Variants in MGAT5 observed in about 807,000 individuals in gnomAD.
The protein encoded by MGAT5 is alpha-1,6-mannosylglycoprotein 6-beta-N-acetylglucosaminyltransferase, also known as alpha-1,6-mannosylglycoprotein 6-beta-N-acetylglucosaminyltransferase A.
A neutral mutation model predicts 94.3 loss-of-function variants in MGAT5; 30 were observed. The ratio of observed to expected loss-of-function variants is 0.32; its 90% CI spans 0.24 to 0.43. The LOEUF (loss-of-function observed/expected upper bound fraction) is 0.43, where lower values mean the gene tolerates loss of function less well. MGAT5 is among the 20% of genes least tolerant of loss of function. MGAT5 has a pLI of 1.00. For missense variants in MGAT5, 691 were observed against 905.5 expected (o/e 0.76, Z 3.04); for synonymous variants, 310 against 322.9 (o/e 0.96, Z 0.43).
At chr2:134,237,254 C>T (rs1313363) in intron 1 of MGAT5, among the ~76,000 whole-genome samples, 66,583 of 151,870 alleles carry the variant, frequency 0.44, 14,942 homozygotes, top group East Asian at 0.66. Context: ...CCTAATGTCT[C>T]TGAAATTAAG....
At chr2:134,338,473 TG>T (rs1688457172) in intron 6 of MGAT5, 53 bp downstream of exon 6, 4 of 1,526,644 alleles carry the variant, frequency 2.6e-6, no homozygotes. Context: ...TTTTAAAATT[TG>T]ATTTTGCTTG....
At position 134,441,931 on chromosome 2, in the gene MGAT5, T is replaced by TGGGGG; in HGVS notation, c.2027+17_2027+21dup. On this transcript the variant is annotated intron_variant, in intron 15 of 15. Coordinates refer to ENST00000281923, the MANE Select transcript of MGAT5 (RefSeq NM_002410.5). Reference sequence around the variant, plus strand: ...ACATGCTGAAGTAAGTGCCCTGGGGTGGGGGTGGGGACTCAGCCCCTAGAC... The same window carrying TGGGGG: ...ACATGCTGAAGTAAGTGCCCTGGGGTGGGGGGGGGGTGGGGACTCAGCCCCTAGAC... 1 of 1,441,622 alleles carries TGGGGG rather than the reference T, an allele frequency of 6.9e-7. No individual in the cohort carries two copies. The highest frequency in any genetic ancestry group is 1.5e-5 in the African/African-American group (1 of 68,208). 89.3% of individuals were successfully genotyped at this position (1,441,622 alleles called of 1,614,324 possible).
chr2:134,193,751 C>T (rs1679357009), intron 1 of MGAT5, among the ~76,000 whole-genome samples: 1 of 149,552 alleles, frequency 6.7e-6, no homozygotes, highest in Non-Finnish European at 1.5e-5. Context: ...CTAGCCCAGG[C>T]CCTGTGGGGT....
At chr2:134,124,037 C>A (rs904381259) in intron 1 of MGAT5, among the ~76,000 whole-genome samples, 1 of 152,240 alleles carries the variant, frequency 6.6e-6, no homozygotes, top group African/African-American at 2.4e-5. Context: ...CCTATGTCAA[C>A]ATCCACATTT....
chr2:134,277,862 A>G (rs1037651398), intron 2 of MGAT5, among the ~76,000 whole-genome samples: 1 of 152,234 alleles, frequency 6.6e-6, no homozygotes, highest in African/African-American at 2.4e-5. Flanking sequence ...GGAACACTTT[A>G]AATTTGAAGT....
At chr2:134,399,345 A>G (rs1385570706) in intron 10 of MGAT5, among the ~76,000 whole-genome samples, 1 of 152,232 alleles carries the variant, frequency 6.6e-6, no homozygotes, top group Non-Finnish European at 1.5e-5. Flanking sequence ...TAAATATCTT[A>G]TGACTGGTTC....
intron 1 of MGAT5, among the ~76,000 whole-genome samples, chr2:134,259,009 C>G (rs966593287): frequency 6.6e-6 from 1 of 152,244 alleles, no homozygotes; most frequent in African/African-American, 2.4e-5. Context: ...CCTTCCCCAA[C>G]CCATCCTTGT....
chr2:134,173,696 G>A (rs1463766932), intron 1 of MGAT5, among the ~76,000 whole-genome samples: 1 of 152,244 alleles, frequency 6.6e-6, no homozygotes, highest in Non-Finnish European at 1.5e-5. Flanking sequence ...AAGAGCAGCT[G>A]TCTGTCAGCC....
chr2:134,367,392 G>C (rs1480301692), intron 10 of MGAT5, among the ~76,000 whole-genome samples: 1 of 152,232 alleles, frequency 6.6e-6, no homozygotes, highest in Non-Finnish European at 1.5e-5. Flanking sequence ...GCGAACTCTA[G>C]ACTGTGGACC....
At chr2:134,195,578 C>T (rs145820228) in intron 1 of MGAT5, among the ~76,000 whole-genome samples, 2,646 of 152,250 alleles carry the variant, frequency 0.017, 50 homozygotes, top group Middle Eastern at 0.051. Flanking sequence ...AATTTATGTA[C>T]GTAGGTTTCC....
rs1473909676 is a variant in MGAT5, at chr2:134,265,433, A to G, written c.242-4953A>G. On this transcript the variant is annotated intron_variant, in intron 1 of 15. Coordinates refer to ENST00000281923, the MANE Select transcript of MGAT5 (RefSeq NM_002410.5). ...CAATCACTTCTTACCCATCAATACC[A>G]TGGCTTCCTGGAAATGAAAACTTAA... is the stretch of plus-strand genomic sequence containing the variant. Among the ~76,000 whole-genome samples, 6 of 152,316 alleles carry G rather than the reference A, an allele frequency of 3.9e-5. No homozygotes were observed. In the East Asian group the frequency reaches 1.2e-3, roughly 29 times the overall value.
At chr2:134,185,313 T>C (rs1688950800) in intron 1 of MGAT5, among the ~76,000 whole-genome samples, 2 of 152,234 alleles carry the variant, frequency 1.3e-5, no homozygotes, top group Non-Finnish European at 2.9e-5. Flanking sequence ...ATCCCCTATC[T>C]TTACCCCTCT....
chr2:134,312,342 A>G (rs1034860043), intron 2 of MGAT5, among the ~76,000 whole-genome samples: 10 of 152,160 alleles, frequency 6.6e-5, no homozygotes, highest in East Asian at 1.9e-4. Flanking sequence ...GGGCTAGGCC[A>G]TGTCCCTTCT....
chr2:134,143,780 G>A (rs1055517098), intron 1 of MGAT5, among the ~76,000 whole-genome samples: 1 of 152,230 alleles, frequency 6.6e-6, no homozygotes, highest in Non-Finnish European at 1.5e-5. Flanking sequence ...TGTGGTTACT[G>A]TGTATTCATT....
At chr2:134,209,148 T>TGATC (rs1680172813) in intron 1 of MGAT5, among the ~76,000 whole-genome samples, 1 of 6,806 alleles carries the variant, frequency 1.5e-4, no homozygotes, top group Non-Finnish European at 2.2e-4. Flanking sequence ...CTTATTTTTT[T>TGATC]TTTATTTTTT....
intron 10 of MGAT5, among the ~76,000 whole-genome samples, chr2:134,388,343 C>T (rs1179058808): frequency 1.3e-5 from 2 of 152,050 alleles, no homozygotes; most frequent in African/African-American, 2.4e-5. Flanking sequence ...CTGCCCTCCG[C>T]CCCCAGAATA....
rs796945889 is a variant in MGAT5 at position 134,296,453 on chromosome 2, C to CT, written c.407-21067dup. On this transcript the variant is annotated intron_variant, in intron 2 of 15. Coordinates refer to ENST00000281923, the MANE Select transcript of MGAT5 (RefSeq NM_002410.5). ...TTTTATTGATGGAAGGTTAAATATTCTTTTTTTTTCCTTTGTAGCATATGA... is the reference window on the plus strand; with the variant it reads ...TTTTATTGATGGAAGGTTAAATATTCTTTTTTTTTTCCTTTGTAGCATATGA... 3.5e-3 allele frequency among the ~76,000 whole-genome samples: 529 copies of CT among 151,324 alleles called. 1 individual carries two copies. Among genetic ancestry groups the CT allele is most frequent in the African/African-American group, 0.012 (480 of 41,264 alleles).
chr2:134,198,625 T>A (rs2105270182), intron 1 of MGAT5, among the ~76,000 whole-genome samples: 1 of 152,298 alleles, frequency 6.6e-6, no homozygotes, highest in Non-Finnish European at 1.5e-5. Context: ...CAAACCTGCC[T>A]AGTGGTCAAA....
intron 13 of MGAT5, among the ~76,000 whole-genome samples, chr2:134,427,804 G>T (rs538869675): frequency 6.6e-4 from 101 of 152,274 alleles, no homozygotes; most frequent in South Asian, 1.2e-3. Context: ...TTTTTACACC[G>T]TGAGTTCTTC....
Sources: gnomAD v4.1 joint callset for allele counts (sites outside exome capture counted in the v4.1 genomes callset) on GRCh38, gnomAD v4.1.1 for gene constraint, MANE v1.5 for transcripts, NCBI Gene and HGNC (gene_info 2026-07-23, HGNC 2026-07-21) for gene names.